Variants in TSPAN9 observed in about 807,000 individuals in gnomAD.
The protein encoded by TSPAN9 is tetraspanin 9.
A neutral mutation model predicts 31.0 loss-of-function variants in TSPAN9; 16 were observed. The observed-to-expected ratio is 0.52, with a 90% CI of 0.35 to 0.78. TSPAN9 has a LOEUF of 0.78. Among genes scored for constraint, TSPAN9 ranks in the 30% least tolerant of loss-of-function variants. The pLI is 0.01. For synonymous variants in TSPAN9, 145 were observed against 121.6 expected (o/e 1.19, Z -1.27); for missense variants, 272 against 312.5 (o/e 0.87, Z 0.98).
intron 2 of TSPAN9, among the ~76,000 whole-genome samples, chr12:3,123,868 G>T (rs1251305910): frequency 1.3e-5 from 2 of 152,102 alleles, no homozygotes; most frequent in Non-Finnish European, 2.9e-5. Flanking sequence ...GAGGATGTGC[G>T]GAAGAGTTTA....
intron 2 of TSPAN9, among the ~76,000 whole-genome samples, chr12:3,121,970 G>C (rs542289631): frequency 2.0e-5 from 3 of 152,132 alleles, no homozygotes; most frequent in Non-Finnish European, 4.4e-5. Flanking sequence ...GAGTCTGTCT[G>C]ACTTTAAACT....
At chr12:3,251,780 G>T (rs12371422) in intron 3 of TSPAN9, among the ~76,000 whole-genome samples, 16,283 of 152,250 alleles carry the variant, frequency 0.11, 1,179 homozygotes, top group Non-Finnish European at 0.13. Flanking sequence ...GCAGCCTGTC[G>T]GCACCGGCTT....
rs1249395803 is a variant in TSPAN9 at position 3,260,103 on chromosome 12, C to A, written c.64-18318C>A. On this transcript the variant is annotated intron_variant, in intron 3 of 8. Transcript: ENST00000011898. The stretch of plus-strand genomic sequence containing the variant: ...TCCAGGCAGAGATAACAAGGGGGCA[C>A]GTGGGTGCAGGAGGCTGGAGCTCCC... Among the ~76,000 whole-genome samples, 3 of 152,206 alleles carry A rather than the reference C, an allele frequency of 2.0e-5. No homozygotes were observed. In the South Asian group the frequency reaches 6.2e-4, roughly 31 times the overall value.
chr12:3,130,073 C>T (rs1357046537), intron 2 of TSPAN9, among the ~76,000 whole-genome samples: 1 of 152,226 alleles, frequency 6.6e-6, no homozygotes, highest in African/African-American at 2.4e-5. Flanking sequence ...GGCGGCTGTA[C>T]CGCCTCTTTG....
intron 2 of TSPAN9, among the ~76,000 whole-genome samples, chr12:3,148,853 A>G (rs1400986684): frequency 6.6e-6 from 1 of 152,178 alleles, no homozygotes; most frequent in Non-Finnish European, 1.5e-5. Flanking sequence ...TCCCAGCTCC[A>G]TCAGTCACGT....
At chr12:3,090,748 A>G (rs892773954) in intron 2 of TSPAN9, among the ~76,000 whole-genome samples, 2 of 152,138 alleles carry the variant, frequency 1.3e-5, no homozygotes, top group Admixed American at 1.3e-4. Flanking sequence ...GCCCAGAAGC[A>G]TGAGGAATAG....
rs113192663 is a variant in TSPAN9, at chr12:3,215,903, C to T, written c.63+14647C>T. Among the ~76,000 whole-genome samples, 318 of 151,934 alleles carry T rather than the reference C, an allele frequency of 2.1e-3. 1 individual carries two copies. Among genetic ancestry groups the T allele is most frequent in the African/African-American group, 7.5e-3 (309 of 41,222 alleles). On this transcript the variant is annotated intron_variant, in intron 3 of 8. Coordinates refer to ENST00000011898, the MANE Select transcript of TSPAN9 (RefSeq NM_006675.5). ...TAGGTTGGTCCAGAGCACGTTCCAC[C>T]GGGACCTCTCTGTCTGGCTTGCTCA...
intron 3 of TSPAN9, among the ~76,000 whole-genome samples, chr12:3,254,125 G>A (rs1044911340): frequency 6.6e-6 from 1 of 152,196 alleles, no homozygotes; most frequent in Admixed American, 6.5e-5. Flanking sequence ...ACCCAGCCCC[G>A]AGCCTGGAGC....
chr12:3,141,574 C>G (rs891427670), intron 2 of TSPAN9, among the ~76,000 whole-genome samples: 4 of 152,040 alleles, frequency 2.6e-5, no homozygotes. Flanking sequence ...CATTCCGTGC[C>G]CTCATTTGCC....
At position 3,220,556 on chromosome 12, in the gene TSPAN9, C is replaced by G. The variant is rs541913626; in HGVS notation, c.63+19300C>G. ...GTGAAGCTTCGTCGATTCTGCTGCA[C>G]CCGGGCCATTGGCTGGGAGGTGGAG... On this transcript the variant is annotated intron_variant, in intron 3 of 8. Coordinates refer to ENST00000011898, the MANE Select transcript of TSPAN9 (RefSeq NM_006675.5). 2.6e-5 allele frequency among the ~76,000 whole-genome samples: 4 copies of G among 152,320 alleles called. No homozygotes were observed. In the East Asian group the frequency reaches 7.7e-4, roughly 29 times the overall value.
intron 2 of TSPAN9, among the ~76,000 whole-genome samples, chr12:3,105,839 C>T (rs1044904690): frequency 1.6e-5 from 2 of 124,584 alleles, no homozygotes; most frequent in African/African-American, 5.5e-5. Flanking sequence ...CACTTTCATA[C>T]ACACGCTCAC....
rs1449322220 is a variant in TSPAN9 at position 3,177,358 on chromosome 12, C to T, written c.-17-23819C>T. Among the ~76,000 whole-genome samples, 5 of 151,100 alleles carry T rather than the reference C, an allele frequency of 3.3e-5. No individual in the cohort carries two copies. In the East Asian group the frequency reaches 5.9e-4, roughly 18 times the overall value. On this transcript the variant is annotated intron_variant, in intron 2 of 8. Coordinates refer to ENST00000011898, the MANE Select transcript of TSPAN9 (RefSeq NM_006675.5). Reference sequence around the variant, plus strand: ...TTCACTGTGTTAGCCAGGCTGGTCTCGATCTCCTGACCTTGTGATCTGTCC... The same window carrying T: ...TTCACTGTGTTAGCCAGGCTGGTCTTGATCTCCTGACCTTGTGATCTGTCC...
intron 3 of TSPAN9, 88 bp downstream of exon 3, chr12:3,201,344 G>A: frequency 1.5e-6 from 2 of 1,309,814 alleles, no homozygotes; most frequent in Non-Finnish European, 2.2e-6. Flanking sequence ...CTTCTGTGCT[G>A]CATTGCTCTG....
chr12:3,108,940 A>G (rs1235776384), intron 2 of TSPAN9, among the ~76,000 whole-genome samples: 4 of 150,138 alleles, frequency 2.7e-5, no homozygotes, highest in African/African-American at 9.8e-5. Context: ...GGGAGGAAGG[A>G]TTCTTTTTTT....
At chr12:3,122,991 G>T (rs1446413312) in intron 2 of TSPAN9, among the ~76,000 whole-genome samples, 1 of 152,174 alleles carries the variant, frequency 6.6e-6, no homozygotes, top group South Asian at 2.1e-4. Context: ...GTTGGTCAGG[G>T]GTCCCTGGGG....
chr12:3,220,874 A>C (rs377395024), intron 3 of TSPAN9, among the ~76,000 whole-genome samples: 13 of 152,018 alleles, frequency 8.6e-5, no homozygotes, highest in Non-Finnish European at 1.8e-4. Context: ...TAGACCTTGG[A>C]TGAGGAACAC....
intron 2 of TSPAN9, among the ~76,000 whole-genome samples, chr12:3,194,724 A>G (rs1050631332): frequency 1.8e-4 from 27 of 152,186 alleles, no homozygotes; most frequent in African/African-American, 6.5e-4. Context: ...TTAAAAAAAC[A>G]AACAGATTAA....
Position 3,082,647 on chromosome 12 carries a change from G to T in TSPAN9, c.-84-1006G>T, listed in dbSNP as rs558318935. On this transcript the variant is annotated intron_variant, in intron 1 of 8. Transcript: ENST00000011898. Reference sequence around the variant, plus strand: ...AGTGGCTGGGCACTTGTGAGGGATGGTGAGGAGGCAATGAACCTGAGACAT... The same window carrying T: ...AGTGGCTGGGCACTTGTGAGGGATGTTGAGGAGGCAATGAACCTGAGACAT... Among the ~76,000 whole-genome samples the T allele has an allele frequency of 3.3e-5, 5 of 152,298 alleles. No individual in the cohort carries two copies. The South Asian group carries it at 1.0e-3, about 32-fold the overall frequency.
intron 2 of TSPAN9, among the ~76,000 whole-genome samples, chr12:3,190,931 AAGG>A (rs1591668219): frequency 6.6e-6 from 1 of 152,234 alleles, no homozygotes; most frequent in East Asian, 1.9e-4. Flanking sequence ...CCTTGCATTC[AAGG>A]AGCTCACAAT....
Sources: allele counts gnomAD v4.1 joint callset (sites outside exome capture counted in the v4.1 genomes callset), GRCh38; gene constraint gnomAD v4.1.1; transcripts MANE v1.5; gene names NCBI Gene and HGNC (gene_info 2026-07-23, HGNC 2026-07-21).